The following CLVS1 variants were observed in gnomAD, a reference collection of about 807,000 sequenced individuals.
CLVS1 encodes clavesin-1.
In CLVS1, 10 loss-of-function variants were observed where a neutral mutation model predicts 33.1. The observed-to-expected ratio is 0.30, with a 90% CI of 0.19 to 0.51. CLVS1 has a LOEUF of 0.51. Ranked by LOEUF, CLVS1 falls within the 20% of genes least tolerant of loss-of-function variation. The pLI is 0.97. For missense variants in CLVS1, 343 were observed against 433.4 expected (o/e 0.79, Z 1.85); for synonymous variants, 163 against 166.1 (o/e 0.98, Z 0.14).
At chr8:61,494,191 A>C (rs1804192773) in intron 5 of CLVS1, among the ~76,000 whole-genome samples, 1 of 152,136 alleles carries the variant, frequency 6.6e-6, no homozygotes, top group Admixed American at 6.5e-5. Flanking sequence ...AGAATCAGTA[A>C]AAATTAAACC....
intron 3 of CLVS1, among the ~76,000 whole-genome samples, chr8:61,438,213 G>T (rs117454091): frequency 0.014 from 2,128 of 152,088 alleles, 31 homozygotes; most frequent in Non-Finnish European, 0.021. Flanking sequence ...AGTGTGTGTT[G>T]GTCCCCTCCC....
intron 1 of CLVS1, among the ~76,000 whole-genome samples, chr8:61,073,936 A>C (rs1385928526): frequency 6.9e-6 from 1 of 145,648 alleles, no homozygotes; most frequent in South Asian, 2.2e-4. Flanking sequence ...GGCGTGAACC[A>C]GTGGGGCGGA....
chr8:61,447,319 T>C (rs1209041088), intron 3 of CLVS1, among the ~76,000 whole-genome samples: 3 of 152,072 alleles, frequency 2.0e-5, no homozygotes, highest in African/African-American at 7.2e-5. Flanking sequence ...AGATCATGTT[T>C]TTTAATTTAC....
Position 61,495,183 on chromosome 8 carries a change from AT to A in CLVS1, c.978-4265del, listed in dbSNP as rs779004215. Among the ~76,000 whole-genome samples the A allele has an allele frequency of 2.0e-5, 3 of 152,136 alleles. No individual in the cohort carries two copies. In the East Asian group the frequency reaches 5.8e-4, roughly 29 times the overall value. On this transcript the variant is annotated intron_variant, in intron 5 of 5. Coordinates refer to ENST00000325897, the MANE Select transcript of CLVS1 (RefSeq NM_173519.3). ...AACTATGAATAATGTGTGAAAGATA[AT>A]TTTTTTCTTCATTCCTTTCCTTTCA...
intron 1 of CLVS1, among the ~76,000 whole-genome samples, chr8:61,296,318 A>G (rs868821780): frequency 3.9e-5 from 6 of 152,218 alleles, no homozygotes; most frequent in Non-Finnish European, 4.4e-5. Context: ...TTCACATATT[A>G]TAGATTGGAG....
At chr8:61,220,252 G>T (rs1563450272) in intron 2 of CLVS1, among the ~76,000 whole-genome samples, 1 of 152,138 alleles carries the variant, frequency 6.6e-6, no homozygotes, top group African/African-American at 2.4e-5. Context: ...ATCCTAAAAG[G>T]TATTGCCTAA....
intron 2 of CLVS1, among the ~76,000 whole-genome samples, chr8:61,361,474 C>T (rs1448149977): frequency 1.3e-5 from 2 of 152,194 alleles, no homozygotes; most frequent in Non-Finnish European, 2.9e-5. Context: ...GGACATTCTC[C>T]AAGCCTTTTA....
chr8:61,140,824 C>A (rs1806294913), intron 2 of CLVS1, among the ~76,000 whole-genome samples: 1 of 152,152 alleles, frequency 6.6e-6, no homozygotes. Flanking sequence ...CCTCGATCTC[C>A]CAAAGTACTG....
the CLVS1 span, among the ~76,000 whole-genome samples, chr8:60,996,086 G>A: frequency 6.6e-5 from 10 of 152,000 alleles, no homozygotes; most frequent in South Asian, 6.2e-4. Context: ...TGGGTGCAGC[G>A]CACCAGCATG....
chr8:61,151,439 A>G (rs1806533090), intron 2 of CLVS1, among the ~76,000 whole-genome samples: 1 of 152,128 alleles, frequency 6.6e-6, no homozygotes, highest in African/African-American at 2.4e-5. Flanking sequence ...AGTGGGGTTG[A>G]ATTACTCTTT....
At chr8:61,149,569 C>CAAAAAAAAAAA (rs1212944878) in intron 2 of CLVS1, among the ~76,000 whole-genome samples, 1 of 120,274 alleles carries the variant, frequency 8.3e-6, no homozygotes, top group Admixed American at 9.0e-5. Flanking sequence ...AAAAAAAAAA[C>CAAAAAAAAAAA]AAAAAACAAA....
intron 2 of CLVS1, among the ~76,000 whole-genome samples, chr8:61,151,586 A>G (rs1563422320): frequency 6.6e-6 from 1 of 152,132 alleles, no homozygotes; most frequent in South Asian, 2.1e-4. Flanking sequence ...ATGACAGGAT[A>G]TCAAAGCAGG....
intron 2 of CLVS1, among the ~76,000 whole-genome samples, chr8:61,178,483 G>C (rs1301885351): frequency 6.6e-6 from 1 of 152,100 alleles, no homozygotes; most frequent in Admixed American, 6.6e-5. Context: ...TTCAAATTCA[G>C]GAAATACAGA....
At chr8:61,392,495 G>GCA (rs1814342634) in intron 3 of CLVS1, among the ~76,000 whole-genome samples, 1 of 152,074 alleles carries the variant, frequency 6.6e-6, no homozygotes, top group Non-Finnish European at 1.5e-5. Context: ...CATTCCCACT[G>GCA]GTACCTCAGC....
chr8:61,402,878 C>A (rs1301073885), intron 3 of CLVS1, among the ~76,000 whole-genome samples: 1 of 152,164 alleles, frequency 6.6e-6, no homozygotes, highest in African/African-American at 2.4e-5. Context: ...ATAAAGGATA[C>A]ATTGTGCATA....
intron 2 of CLVS1, among the ~76,000 whole-genome samples, chr8:61,268,580 A>C (rs1809362575): frequency 1.4e-5 from 2 of 139,636 alleles, no homozygotes; most frequent in Non-Finnish European, 3.1e-5. Flanking sequence ...TAGATCCCTG[A>C]GGAATCGCCA....
At chr8:61,364,806 G>A (rs1043262749) in intron 2 of CLVS1, among the ~76,000 whole-genome samples, 4 of 152,194 alleles carry the variant, frequency 2.6e-5, no homozygotes, top group African/African-American at 4.8e-5. Context: ...ATTAAATACG[G>A]AGGTTTGGAG....
intron 2 of CLVS1, among the ~76,000 whole-genome samples, chr8:61,347,831 A>G (rs1812283626): frequency 6.6e-6 from 1 of 150,774 alleles, no homozygotes; most frequent in Admixed American, 6.6e-5. Context: ...TCTATTTTTA[A>G]TTTTTTAAGG....
chr8:61,125,881 G>T (rs1195067660), intron 1 of CLVS1, among the ~76,000 whole-genome samples: 2 of 152,026 alleles, frequency 1.3e-5, no homozygotes, highest in African/African-American at 4.8e-5. Flanking sequence ...TTATATAAAT[G>T]CTCTTAATTC....
Sources: gnomAD v4.1 joint callset for allele counts (sites outside exome capture counted in the v4.1 genomes callset) on GRCh38, gnomAD v4.1.1 for gene constraint, MANE v1.5 for transcripts, NCBI Gene and HGNC (gene_info 2026-07-23, HGNC 2026-07-21) for gene names.